The following NAALADL2 variants were observed in gnomAD, a reference collection of about 807,000 sequenced individuals.
The protein encoded by NAALADL2 is inactive N-acetylated-alpha-linked acidic dipeptidase-like protein 2.
NAALADL2 carries 76 observed loss-of-function variants against 87.2 expected under a neutral mutation model. That is an observed-to-expected ratio of 0.87 (90% CI 0.72 to 1.05). NAALADL2 has a LOEUF of 1.05. Among genes scored for constraint, NAALADL2 ranks in the 50% least tolerant of loss-of-function variants. The pLI is 0.00. For missense variants in NAALADL2, 1,089 were observed against 945.8 expected, an observed-to-expected ratio of 1.15 and a Z score of -1.99; for synonymous variants, 354 against 331.0, an observed-to-expected ratio of 1.07 and a Z score of -0.75.
chr3:174,632,150 A>C (rs2108698263), intron 2 of NAALADL2: 1 of 152,322 alleles, frequency 6.6e-6, no homozygotes, highest in East Asian at 1.9e-4. Flanking sequence ...GGGAGTCTGC[A>C]AACCTGCCTG....
intron 3 of NAALADL2, among the ~76,000 whole-genome samples, chr3:174,745,035 G>A (rs532534702): frequency 6.6e-6 from 1 of 151,858 alleles, no homozygotes; most frequent in Admixed American, 6.6e-5. Context: ...ACAACTAAAA[G>A]AACTAGAGAA....
intron 3 of NAALADL2, among the ~76,000 whole-genome samples, chr3:174,770,477 G>A (rs924592973): frequency 3.3e-5 from 5 of 152,142 alleles, no homozygotes; most frequent in Non-Finnish European, 7.4e-5. Context: ...GATTGTATTA[G>A]TGAAAAAGCA....
At position 174,944,816 on chromosome 3, in the gene NAALADL2, T is replaced by C. The variant is rs566474960; in HGVS notation, c.43+85366T>C. On this transcript the variant is annotated intron_variant, in intron 1 of 13. Transcript: ENST00000454872. ...TGAGAGAAGCATGGGTTCCCAGGGGTCACACATTCTGTCACCACTTCCCTG... is the reference window on the plus strand; with the variant it reads ...TGAGAGAAGCATGGGTTCCCAGGGGCCACACATTCTGTCACCACTTCCCTG... 7.2e-5 allele frequency among the ~76,000 whole-genome samples: 11 copies of C among 152,112 alleles called. No homozygotes were observed. In the East Asian group the frequency reaches 1.6e-3, roughly 21 times the overall value.
intron 5 of NAALADL2, among the ~76,000 whole-genome samples, chr3:175,445,352 T>A (rs2149216345): frequency 6.6e-6 from 1 of 152,292 alleles, no homozygotes; most frequent in East Asian, 1.9e-4. Context: ...CAAATATTTC[T>A]ACAGGTTTAA....
At chr3:175,668,220 T>C (rs1582833980) in intron 11 of NAALADL2, among the ~76,000 whole-genome samples, 2 of 152,196 alleles carry the variant, frequency 1.3e-5, no homozygotes, top group South Asian at 4.1e-4. Flanking sequence ...CAATGAACTT[T>C]TGTAGCTGCT....
chr3:175,027,037 A>G (rs1462851145), intron 1 of NAALADL2, among the ~76,000 whole-genome samples: 5 of 152,204 alleles, frequency 3.3e-5, no homozygotes, highest in African/African-American at 9.6e-5. Context: ...TGTTACTGTT[A>G]AGGGTGAATG....
chr3:174,640,204 T>C (rs1236395898), intron 2 of NAALADL2, among the ~76,000 whole-genome samples: 1 of 152,210 alleles, frequency 6.6e-6, no homozygotes, highest in Non-Finnish European at 1.5e-5. Context: ...CCCAGACTAA[T>C]GCTCTTAGCT....
At chr3:175,451,178 T>G (rs539381997) in intron 6 of NAALADL2, among the ~76,000 whole-genome samples, 22 of 152,300 alleles carry the variant, frequency 1.4e-4, no homozygotes, top group Admixed American at 1.2e-3. Context: ...AGCCTATTTA[T>G]ATTTGGTTTT....
intron 2 of NAALADL2, among the ~76,000 whole-genome samples, chr3:175,205,691 C>T (rs1304343181): frequency 6.6e-6 from 1 of 151,746 alleles, no homozygotes; most frequent in Non-Finnish European, 1.5e-5. Context: ...CTTCACAATC[C>T]ATATATCTGA....
intron 11 of NAALADL2, among the ~76,000 whole-genome samples, chr3:175,666,871 G>A (rs1582826998): frequency 6.6e-6 from 1 of 151,860 alleles, no homozygotes; most frequent in South Asian, 2.1e-4. Context: ...CTAATAATAA[G>A]AACAAATTAT....
chr3:175,789,265 T>C (rs1157783755), intron 13 of NAALADL2, among the ~76,000 whole-genome samples: 3 of 145,224 alleles, frequency 2.1e-5, no homozygotes, highest in Non-Finnish European at 4.6e-5. Flanking sequence ...TTTTGTCAAC[T>C]TCTACTGTAA....
intron 2 of NAALADL2, among the ~76,000 whole-genome samples, chr3:175,211,873 A>C (rs1741824984): frequency 6.6e-6 from 1 of 152,086 alleles, no homozygotes; most frequent in Admixed American, 6.6e-5. Context: ...GCCCAAATCA[A>C]AAATGATTAG....
chr3:175,144,463 T>C (rs1223141823), intron 2 of NAALADL2, among the ~76,000 whole-genome samples: 3 of 152,006 alleles, frequency 2.0e-5, no homozygotes, highest in African/African-American at 7.2e-5. Context: ...TTTTTTCTTC[T>C]GATTACAAAA....
intron 13 of NAALADL2, among the ~76,000 whole-genome samples, chr3:175,774,461 G>C (rs1298667133): frequency 6.6e-6 from 1 of 151,624 alleles, no homozygotes; most frequent in African/African-American, 2.4e-5. Flanking sequence ...AAAATACCTG[G>C]CTTATTCCTA....
intron 1 of NAALADL2, among the ~76,000 whole-genome samples, chr3:174,463,400 A>G (rs1559998831): frequency 6.6e-6 from 1 of 152,200 alleles, no homozygotes; most frequent in African/African-American, 2.4e-5. Context: ...AAGCTTCACA[A>G]GAAGACTGGG....
chr3:175,716,645 G>T (rs1741336457), intron 11 of NAALADL2, among the ~76,000 whole-genome samples: 1 of 152,098 alleles, frequency 6.6e-6, no homozygotes, highest in South Asian at 2.1e-4. Flanking sequence ...ACATAAAAGT[G>T]ATTTAGAGGG....
chr3:175,014,559 C>T (rs957957127), intron 1 of NAALADL2, among the ~76,000 whole-genome samples: 11 of 151,972 alleles, frequency 7.2e-5, no homozygotes, highest in African/African-American at 2.7e-4. Context: ...TTGATGCAAA[C>T]CATTTGGACA....
intron 3 of NAALADL2, among the ~76,000 whole-genome samples, chr3:174,767,734 C>T (rs9870903): frequency 0.098 from 14,934 of 152,194 alleles, 806 homozygotes; most frequent in Middle Eastern, 0.16. Flanking sequence ...TTTCTCAATT[C>T]TCCAAAAATA....
At chr3:174,714,010 T>C (rs1395498601) in intron 2 of NAALADL2, among the ~76,000 whole-genome samples, 1 of 152,208 alleles carries the variant, frequency 6.6e-6, no homozygotes, top group Non-Finnish European at 1.5e-5. Context: ...GTTTCAGCTT[T>C]CTACATATGG....
Sources: allele counts gnomAD v4.1 joint callset (sites outside exome capture counted in the v4.1 genomes callset), GRCh38; gene constraint gnomAD v4.1.1; transcripts MANE v1.5; gene names NCBI Gene and HGNC (gene_info 2026-07-23, HGNC 2026-07-21).